Variants in ULK4 observed in about 807,000 individuals in gnomAD.
ULK4 encodes unc-51 like kinase 4.
In ULK4, 133 loss-of-function variants were observed where a neutral mutation model predicts 160.6. The observed-to-expected ratio is 0.83, with a 90% CI of 0.72 to 0.96. ULK4 has a LOEUF of 0.96. Among genes scored for constraint, ULK4 ranks in the 40% least tolerant of loss-of-function variants. ULK4 has a pLI of 0.00. For missense variants in ULK4, 1,580 were observed against 1,499.5 expected, an observed-to-expected ratio of 1.05 and a Z score of -0.89; for synonymous variants, 534 against 539.8, an observed-to-expected ratio of 0.99 and a Z score of 0.15.
rs184751913 is a variant in ULK4, at chr3:41,473,747, T to C, written c.3227-10494A>G. Among the ~76,000 whole-genome samples, 24 of 151,204 alleles carry C rather than the reference T, an allele frequency of 1.6e-4. No individual in the cohort carries two copies. In the East Asian group the frequency reaches 3.9e-3, roughly 24 times the overall value. The stretch of plus-strand genomic sequence containing the variant: ...CTGAAAAAAAAGTCATTTACAATAG[T>C]TGTAAAAAAATACTTATGAATAAAT... On this transcript the variant is annotated intron_variant, in intron 32 of 36. Transcript: ENST00000301831.
chr3:41,361,047 A>G (rs986352736), intron 35 of ULK4, among the ~76,000 whole-genome samples: 1 of 152,130 alleles, frequency 6.6e-6, no homozygotes, highest in Non-Finnish European at 1.5e-5. Flanking sequence ...GGAGAGAGAA[A>G]GGGGAGATCT....
At chr3:41,848,823 TA>T (rs1404743818) in intron 17 of ULK4, among the ~76,000 whole-genome samples, 3 of 152,188 alleles carry the variant, frequency 2.0e-5, no homozygotes, top group Non-Finnish European at 2.9e-5. Flanking sequence ...AAATACCCTT[TA>T]TGCCTAAGTT....
intron 17 of ULK4, among the ~76,000 whole-genome samples, chr3:41,841,240 CTT>C (rs1395655374): frequency 7.1e-4 from 81 of 114,620 alleles, no homozygotes; most frequent in African/African-American, 1.8e-3. Context: ...CCCAGCCGCC[CTT>C]CATCTGGGAG....
At chr3:41,792,776 A>T (rs892973837) in intron 20 of ULK4, among the ~76,000 whole-genome samples, 3 of 152,250 alleles carry the variant, frequency 2.0e-5, no homozygotes, top group Non-Finnish European at 2.9e-5. Flanking sequence ...GAGAAGATGC[A>T]CAGAGCCTTA....
At chr3:41,757,429 A>G (rs963741692) in intron 21 of ULK4, among the ~76,000 whole-genome samples, 7 of 151,886 alleles carry the variant, frequency 4.6e-5, no homozygotes, top group East Asian at 2.0e-4. Flanking sequence ...TCAGGAGATC[A>G]AGACCAACCT....
chr3:41,645,134 C>CA (rs1184064493), intron 30 of ULK4, among the ~76,000 whole-genome samples: 2 of 151,862 alleles, frequency 1.3e-5, no homozygotes, highest in Non-Finnish European at 2.9e-5. Flanking sequence ...TTGATCTTTT[C>CA]AAAAAACCAG....
intron 19 of ULK4, among the ~76,000 whole-genome samples, chr3:41,815,160 G>C (rs979085557): frequency 2.6e-5 from 4 of 152,012 alleles, no homozygotes; most frequent in African/African-American, 9.7e-5. Flanking sequence ...GCCTGCCTTG[G>C]CCTCCCAAAG....
chr3:41,790,889 G>A (rs1220669250), intron 20 of ULK4, among the ~76,000 whole-genome samples: 1 of 152,078 alleles, frequency 6.6e-6, no homozygotes, highest in Non-Finnish European at 1.5e-5. Flanking sequence ...ACTCCAAAGA[G>A]AGAAATAAGC....
intron 17 of ULK4, among the ~76,000 whole-genome samples, chr3:41,856,535 A>T: frequency 9.5e-6 from 1 of 105,638 alleles, no homozygotes; most frequent in Non-Finnish European, 1.7e-5. Flanking sequence ...ATATATATGT[A>T]TGTATATATA....
At chr3:41,275,577 T>C (rs1197422283) in intron 35 of ULK4, among the ~76,000 whole-genome samples, 2 of 152,114 alleles carry the variant, frequency 1.3e-5, no homozygotes, top group Non-Finnish European at 2.9e-5. Flanking sequence ...CAAAGAAAGA[T>C]TAGAATCTGG....
chr3:41,665,320 A>T (rs2035318663), intron 29 of ULK4, among the ~76,000 whole-genome samples: 1 of 152,178 alleles, frequency 6.6e-6, no homozygotes, highest in Non-Finnish European at 1.5e-5. Context: ...GAATTGTAAG[A>T]AGTAGGACTT....
At chr3:41,854,245 C>CCTGCTG (rs1424210600) in intron 17 of ULK4, 1 of 152,316 alleles carries the variant, frequency 6.6e-6, no homozygotes, top group Non-Finnish European at 1.5e-5. Context: ...CAAAGTACAG[C>CCTGCTG]CTGCTCAGCC....
At chr3:41,649,602 G>A (rs1053378089) in intron 30 of ULK4, among the ~76,000 whole-genome samples, 1 of 152,228 alleles carries the variant, frequency 6.6e-6, no homozygotes, top group Admixed American at 6.5e-5. Flanking sequence ...GGGTGGTGCA[G>A]ACACACCAGC....
intron 31 of ULK4, among the ~76,000 whole-genome samples, chr3:41,614,911 T>C (rs1366258771): frequency 6.6e-6 from 1 of 152,202 alleles, no homozygotes; most frequent in Non-Finnish European, 1.5e-5. Context: ...GTGCCCCCTC[T>C]GTTGTGCCTT....
At chr3:41,761,614 A>AAAC (rs2038988061) in intron 21 of ULK4, among the ~76,000 whole-genome samples, 1 of 151,916 alleles carries the variant, frequency 6.6e-6, no homozygotes, top group African/African-American at 2.4e-5. Flanking sequence ...TAAATAACAT[A>AAAC]AATAGATTAG....
At chr3:41,626,272 A>T (rs945399969) in intron 30 of ULK4, among the ~76,000 whole-genome samples, 19 of 152,282 alleles carry the variant, frequency 1.2e-4, no homozygotes, top group South Asian at 4.1e-4. Context: ...TTGGAAAAAA[A>T]TTTTTTAATT....
chr3:41,752,509 G>A (rs539572723), intron 22 of ULK4, among the ~76,000 whole-genome samples: 1 of 152,160 alleles, frequency 6.6e-6, no homozygotes, highest in African/African-American at 2.4e-5. Context: ...GAAACAAGGA[G>A]GTTTGTTAGG....
intron 17 of ULK4, among the ~76,000 whole-genome samples, chr3:41,857,433 G>A (rs944451907): frequency 6.6e-6 from 1 of 152,072 alleles, no homozygotes; most frequent in Non-Finnish European, 1.5e-5. Context: ...TCAGATTTTG[G>A]TATCTGGGTA....
rs1004572018 is a variant in ULK4 at position 41,365,830 on chromosome 3, A to G, written c.3678+32249T>C. On this transcript the variant is annotated intron_variant, in intron 35 of 36. Transcript: ENST00000301831. ...CCAATGGAAAGACAACTACATCATA[A>G]GGCCATATCAAATAAACTACAGACT... 2.6e-5 allele frequency among the ~76,000 whole-genome samples: 4 copies of G among 152,292 alleles called. No individual in the cohort carries two copies. The South Asian group carries it at 6.2e-4, about 24-fold the overall frequency.
Sources: gnomAD v4.1 joint callset for allele counts (sites outside exome capture counted in the v4.1 genomes callset) on GRCh38, gnomAD v4.1.1 for gene constraint, MANE v1.5 for transcripts, NCBI Gene and HGNC (gene_info 2026-07-23, HGNC 2026-07-21) for gene names.